Variants in APP observed in about 807,000 individuals in gnomAD.
The protein encoded by APP is amyloid-beta precursor protein.
A neutral mutation model predicts 101.4 loss-of-function variants in APP; 31 were observed. That is an observed-to-expected ratio of 0.31 (90% CI 0.23 to 0.41). The LOEUF (loss-of-function observed/expected upper bound fraction) is 0.41, where lower values mean the gene tolerates loss of function less well. APP is among the 10% of genes least tolerant of loss of function. The pLI, the probability that APP is intolerant of heterozygous loss-of-function variation, is 1.00. For missense variants in APP, 839 were observed against 1,003.7 expected, an observed-to-expected ratio of 0.84 and a Z score of 2.22; for synonymous variants, 366 against 364.4, an observed-to-expected ratio of 1.00 and a Z score of -0.05.
At chr21:25,891,396 T>A (rs1458425455) in intron 17 of APP, among the ~76,000 whole-genome samples, 1 of 152,184 alleles carries the variant, frequency 6.6e-6, no homozygotes, top group Non-Finnish European at 1.5e-5. Flanking sequence ...TACTGGTTTT[T>A]GTTGCTTGTG....
intron 1 of APP, among the ~76,000 whole-genome samples, chr21:26,114,876 TA>T (rs1465869359): frequency 2.0e-5 from 3 of 152,216 alleles, no homozygotes; most frequent in Non-Finnish European, 4.4e-5. Flanking sequence ...TATGACCCTA[TA>T]ATTGTCTCAT....
Position 26,127,771 on chromosome 21 carries a change from A to T in APP, c.58-15625T>A, listed in dbSNP as rs567349785. Among the ~76,000 whole-genome samples the T allele has an allele frequency of 8.5e-5, 13 of 152,362 alleles. No homozygotes were observed. The South Asian group carries it at 2.7e-3, about 32-fold the overall frequency. On this transcript the variant is annotated intron_variant, in intron 1 of 17. Transcript: ENST00000346798. The stretch of plus-strand genomic sequence containing the variant: ...AATGGACATAGTAACATCCCACCTC[A>T]CAGGATATTATGAGGATTAAAATGC...
At chr21:25,908,712 A>C (rs190044872) in intron 14 of APP, among the ~76,000 whole-genome samples, 1 of 149,302 alleles carries the variant, frequency 6.7e-6, no homozygotes, top group African/African-American at 2.5e-5. Context: ...AAAAGCTACC[A>C]CTGACATTTA....
chr21:25,952,221 CACACAT>C (rs1163018759), intron 13 of APP, among the ~76,000 whole-genome samples: 10 of 151,300 alleles, frequency 6.6e-5, no homozygotes, highest in Admixed American at 2.0e-4. Flanking sequence ...CACACACACA[CACACAT>C]TAAGAGCACA....
At chr21:26,020,123 CA>C (rs1431019565) in intron 6 of APP, among the ~76,000 whole-genome samples, 1 of 151,904 alleles carries the variant, frequency 6.6e-6, no homozygotes, top group Non-Finnish European at 1.5e-5. Flanking sequence ...TTTAAAAGCT[CA>C]AGTTAAAGAA....
At chr21:26,113,110 G>A (rs2062363893) in intron 1 of APP, among the ~76,000 whole-genome samples, 1 of 152,116 alleles carries the variant, frequency 6.6e-6, no homozygotes, top group African/African-American at 2.4e-5. Flanking sequence ...CAGGAGTAAA[G>A]GTGTTATTAA....
chr21:26,159,916 A>G (rs1303380078), intron 1 of APP, among the ~76,000 whole-genome samples: 1 of 152,178 alleles, frequency 6.6e-6, no homozygotes. Context: ...CAAATAGCAA[A>G]TACGAAGAAA....
intron 2 of APP, among the ~76,000 whole-genome samples, chr21:26,095,403 T>A (rs528870902): frequency 1.3e-5 from 2 of 152,352 alleles, no homozygotes; most frequent in East Asian, 1.9e-4. Flanking sequence ...CTGCCATTGA[T>A]CACTTCATCA....
At chr21:26,136,415 G>T (rs1056147499) in intron 1 of APP, among the ~76,000 whole-genome samples, 4 of 151,850 alleles carry the variant, frequency 2.6e-5, no homozygotes, top group African/African-American at 9.7e-5. Context: ...CTTTATCTAG[G>T]GAGTGCTATT....
chr21:26,057,473 C>CCACACACA (rs71855086), intron 3 of APP, among the ~76,000 whole-genome samples: 23 of 149,066 alleles, frequency 1.5e-4, no homozygotes, highest in Admixed American at 4.0e-4. Flanking sequence ...ATGTCACACA[C>CCACACACA]CACACACACA....
chr21:26,136,197 GAAAGAA>G (rs1226335749), intron 1 of APP, among the ~76,000 whole-genome samples: 6 of 124,162 alleles, frequency 4.8e-5, no homozygotes, highest in Non-Finnish European at 1.0e-4. Flanking sequence ...AAGAAAGAAA[GAAAGAA>G]AAGAAAAGAA....
chr21:25,975,196 C>A lies in APP; in HGVS notation c.1332G>T (p.Gln444His). ...HFQEKVESLE[Q>H]EAANERQQLV... is the part of the protein sequence containing the mutation. The stretch of plus-strand genomic sequence containing the variant: ...GCTGCTGTCTCTCGTTGGCTGCTTC[C>A]TGTTCCAAAGATTCCACTTTCTCCT... The change falls in exon 11 of 18, where the codon CAG becomes CAT. Residue 444 changes from glutamine (Q) to histidine (H), a missense_variant. Gln to His is a conservative substitution (Grantham distance 24). Coordinates refer to ENST00000346798, the MANE Select transcript of APP (RefSeq NM_000484.4). The A allele has an allele frequency of 6.2e-7, 1 of 1,614,208 alleles. No individual in the cohort carries two copies. The highest frequency in any genetic ancestry group is 8.5e-7 in the Non-Finnish European group (1 of 1,180,040).
chr21:26,102,782 TG>T (rs1167190326), intron 2 of APP, among the ~76,000 whole-genome samples: 3 of 149,632 alleles, frequency 2.0e-5, no homozygotes, highest in African/African-American at 7.4e-5. Flanking sequence ...CTCAGCTACT[TG>T]GGAGGCTGAG....
intron 6 of APP, among the ~76,000 whole-genome samples, chr21:26,008,003 TACAA>T (rs1182470375): frequency 3.3e-5 from 5 of 152,294 alleles, no homozygotes; most frequent in South Asian, 2.1e-4. Context: ...TGGATTGAAA[TACAA>T]ACAAAGATGA....
intron 11 of APP, among the ~76,000 whole-genome samples, chr21:25,970,961 A>C (rs2042009509): frequency 6.6e-6 from 1 of 152,206 alleles, no homozygotes; most frequent in African/African-American, 2.4e-5. Context: ...ATGCACAAAC[A>C]ATTCCAGCCA....
chr21:25,969,061 A>G (rs988969064), intron 11 of APP, among the ~76,000 whole-genome samples: 6 of 152,052 alleles, frequency 3.9e-5, no homozygotes, highest in Admixed American at 1.3e-4. Flanking sequence ...AAAGTCCTCA[A>G]GAAGGCATTT....
intron 1 of APP, among the ~76,000 whole-genome samples, chr21:26,113,694 C>G (rs2062376086): frequency 6.6e-6 from 1 of 152,186 alleles, no homozygotes; most frequent in South Asian, 2.1e-4. Flanking sequence ...CTTCCTGTGA[C>G]TTCCATGAAA....
chr21:25,896,962 C>T (rs1348524714), intron 16 of APP, among the ~76,000 whole-genome samples: 3 of 152,162 alleles, frequency 2.0e-5, no homozygotes, highest in Non-Finnish European at 1.5e-5. Flanking sequence ...GCAGTGTATG[C>T]ATGTGTTTGA....
intron 5 of APP, among the ~76,000 whole-genome samples, chr21:26,027,560 G>A (rs2044634886): frequency 6.6e-6 from 1 of 152,272 alleles, no homozygotes; most frequent in South Asian, 2.1e-4. Context: ...AACACAAGGG[G>A]ACACATCACC....
Sources: allele counts gnomAD v4.1 joint callset (sites outside exome capture counted in the v4.1 genomes callset), GRCh38; gene constraint gnomAD v4.1.1; transcripts MANE v1.5; gene names NCBI Gene and HGNC (gene_info 2026-07-23, HGNC 2026-07-21).